Variants in THSD7A observed in about 807,000 individuals in gnomAD.
The protein encoded by THSD7A is thrombospondin type-1 domain-containing protein 7A.
A neutral mutation model predicts 231.3 loss-of-function variants in THSD7A; 96 were observed. The observed-to-expected ratio is 0.41, with a 90% CI of 0.35 to 0.49. The LOEUF is 0.49. Ranked by LOEUF, THSD7A falls within the 20% of genes least tolerant of loss-of-function variation. THSD7A has a pLI of 0.05. For synonymous variants in THSD7A, 940 were observed against 743.3 expected (o/e 1.26, Z -4.30); for missense variants, 2,290 against 2,070.2 (o/e 1.11, Z -2.06).
chr7:11,808,246 TA>T (rs1376108006), intron 1 of THSD7A, among the ~76,000 whole-genome samples: 1 of 152,140 alleles, frequency 6.6e-6, no homozygotes, highest in African/African-American at 2.4e-5. Context: ...GTGGGGCCTT[TA>T]AGAGGTGATT....
At chr7:11,773,198 A>C (rs1447287182) in intron 1 of THSD7A, among the ~76,000 whole-genome samples, 1 of 152,218 alleles carries the variant, frequency 6.6e-6, no homozygotes, top group East Asian at 1.9e-4. Flanking sequence ...ATGGAATTTT[A>C]CACATCAATT....
At chr7:11,574,474 G>A (rs1485392456) in intron 4 of THSD7A, among the ~76,000 whole-genome samples, 2 of 145,994 alleles carry the variant, frequency 1.4e-5, no homozygotes, top group South Asian at 2.2e-4. Context: ...TCGCTCTGTC[G>A]CCCAGGCTGG....
At chr7:11,633,487 C>T (rs1781727041) in intron 2 of THSD7A, among the ~76,000 whole-genome samples, 1 of 152,102 alleles carries the variant, frequency 6.6e-6, no homozygotes, top group Admixed American at 6.6e-5. Context: ...TGACACAGAC[C>T]ATGTCATGCT....
intron 6 of THSD7A, among the ~76,000 whole-genome samples, chr7:11,492,927 A>G (rs1786958901): frequency 6.6e-6 from 1 of 152,084 alleles, no homozygotes; most frequent in African/African-American, 2.4e-5. Context: ...AGGAGATCAC[A>G]GGAAAAGAAT....
chr7:11,635,927 C>T (rs562565319), intron 2 of THSD7A, among the ~76,000 whole-genome samples: 3 of 151,970 alleles, frequency 2.0e-5, no homozygotes, highest in African/African-American at 7.2e-5. Flanking sequence ...CAAAATAACT[C>T]AAGTAATACA....
chr7:11,664,318 G>C (rs1783040921), intron 1 of THSD7A, among the ~76,000 whole-genome samples: 1 of 151,832 alleles, frequency 6.6e-6, no homozygotes, highest in Admixed American at 6.6e-5. Flanking sequence ...GCTGGGAGTA[G>C]ACTTGGTACT....
chr7:11,592,917 A>G (rs1251522887), intron 3 of THSD7A, among the ~76,000 whole-genome samples: 1 of 152,098 alleles, frequency 6.6e-6, no homozygotes, highest in East Asian at 1.9e-4. Context: ...TTGTTTACAT[A>G]TTACCTCTAG....
intron 4 of THSD7A, among the ~76,000 whole-genome samples, chr7:11,557,592 T>A (rs6460827): frequency 0.61 from 92,005 of 151,698 alleles, 28,502 homozygotes; most frequent in African/African-American, 0.73. Flanking sequence ...TTCTTCTTTC[T>A]AACTGGCTTT....
At chr7:11,819,301 C>T (rs1193616230) in intron 1 of THSD7A, among the ~76,000 whole-genome samples, 3 of 152,132 alleles carry the variant, frequency 2.0e-5, no homozygotes, top group Admixed American at 1.3e-4. Context: ...ATATTCTTGC[C>T]ATATGATCCA....
intron 6 of THSD7A, among the ~76,000 whole-genome samples, chr7:11,493,447 A>T (rs1786979327): frequency 6.6e-6 from 1 of 152,070 alleles, no homozygotes; most frequent in Admixed American, 6.6e-5. Context: ...TCCATCAGAG[A>T]ACTACTCAAT....
intron 6 of THSD7A, among the ~76,000 whole-genome samples, chr7:11,530,714 A>T (rs1788670214): frequency 6.6e-6 from 1 of 152,212 alleles, no homozygotes; most frequent in East Asian, 1.9e-4. Context: ...AAAGGAAGCC[A>T]GTAAAAAACT....
At chr7:11,508,203 G>C (rs908274525) in intron 6 of THSD7A, among the ~76,000 whole-genome samples, 6 of 152,150 alleles carry the variant, frequency 3.9e-5, no homozygotes, top group Non-Finnish European at 5.9e-5. Context: ...AATTCAAGAG[G>C]AGATTTGGGT....
chr7:11,558,892 C>T (rs1050605495), intron 4 of THSD7A, among the ~76,000 whole-genome samples: 7 of 152,112 alleles, frequency 4.6e-5, no homozygotes, highest in African/African-American at 1.7e-4. Context: ...GGGAAAGTAA[C>T]CTAGAATATC....
chr7:11,685,833 G>C (rs1780030885), intron 1 of THSD7A, among the ~76,000 whole-genome samples: 1 of 151,928 alleles, frequency 6.6e-6, no homozygotes, highest in South Asian at 2.1e-4. Context: ...ACTAAAAATA[G>C]AATTACCATT....
At chr7:11,488,254 G>A (rs374262903) in intron 6 of THSD7A, among the ~76,000 whole-genome samples, 1 of 152,040 alleles carries the variant, frequency 6.6e-6, no homozygotes, top group Non-Finnish European at 1.5e-5. Flanking sequence ...AATTCACATT[G>A]ACTTTTGAGA....
At chr7:11,533,970 A>G (rs1788810654) in intron 6 of THSD7A, among the ~76,000 whole-genome samples, 1 of 151,904 alleles carries the variant, frequency 6.6e-6, no homozygotes, top group African/African-American at 2.4e-5. Context: ...GTGCTTTTCC[A>G]CTCTCTTTCA....
intron 1 of THSD7A, among the ~76,000 whole-genome samples, chr7:11,797,957 G>A (rs1341679819): frequency 6.6e-6 from 1 of 152,026 alleles, no homozygotes; most frequent in Non-Finnish European, 1.5e-5. Context: ...TAACTTGTCA[G>A]AGAAAATTTC....
intron 1 of THSD7A, among the ~76,000 whole-genome samples, chr7:11,687,300 T>G (rs111702572): frequency 6.6e-6 from 1 of 151,956 alleles, no homozygotes; most frequent in Admixed American, 6.6e-5. Context: ...GAAATTTATA[T>G]GTTCAATTTA....
intron 1 of THSD7A, among the ~76,000 whole-genome samples, chr7:11,826,370 T>C (rs921759262): frequency 2.6e-5 from 4 of 152,214 alleles, no homozygotes; most frequent in Admixed American, 6.5e-5. Flanking sequence ...TGAAAATATA[T>C]CTATGACAGA....
Sources: gnomAD v4.1 joint callset for allele counts (sites outside exome capture counted in the v4.1 genomes callset) on GRCh38, gnomAD v4.1.1 for gene constraint, MANE v1.5 for transcripts, NCBI Gene and HGNC (gene_info 2026-07-23, HGNC 2026-07-21) for gene names.